Variants in EBF1 observed in about 807,000 individuals in gnomAD.
EBF1 encodes EBF transcription factor 1.
In EBF1, 10 loss-of-function variants were observed where a neutral mutation model predicts 68.4. The ratio of observed to expected loss-of-function variants is 0.15; its 90% CI spans 0.09 to 0.25. EBF1 has a LOEUF of 0.25. Among genes scored for constraint, EBF1 ranks in the 10% least tolerant of loss-of-function variants. The pLI, the probability that EBF1 is intolerant of heterozygous loss-of-function variation, is 1.00. For missense variants in EBF1, 509 were observed against 794.4 expected (o/e 0.64, Z 4.32); for synonymous variants, 298 against 299.8 (o/e 0.99, Z 0.06).
intron 8 of EBF1, among the ~76,000 whole-genome samples, chr5:158,819,824 T>C (rs1448432354): frequency 6.6e-6 from 1 of 152,114 alleles, no homozygotes; most frequent in African/African-American, 2.4e-5. Flanking sequence ...AAAGAAAATC[T>C]TGGTATTTAT....
intron 15 of EBF1, among the ~76,000 whole-genome samples, chr5:158,701,591 G>T (rs1346334585): frequency 6.6e-6 from 1 of 152,244 alleles, no homozygotes; most frequent in Non-Finnish European, 1.5e-5. Context: ...GTGCGTAAGT[G>T]AGGATGGAGG....
intron 4 of EBF1, among the ~76,000 whole-genome samples, chr5:159,094,943 T>C (rs572032958): frequency 1.3e-5 from 2 of 152,198 alleles, no homozygotes; most frequent in Non-Finnish European, 2.9e-5. Flanking sequence ...CCTTAATGTA[T>C]ACTGCTTGAC....
In EBF1 at chr5:158,764,028, T is replaced by C. The variant is rs114694513; in HGVS notation, c.1036+13385A>G. On this transcript the variant is annotated intron_variant, in intron 10 of 15. Coordinates refer to ENST00000313708, the MANE Select transcript of EBF1 (RefSeq NM_024007.5). ...TTAATCAGGCACTTACTGTATGCCA[T>C]GCACTGTACTAAGCTTTTTATATGC... Among the ~76,000 whole-genome samples, 1,500 of 152,302 alleles carry C rather than the reference T, an allele frequency of 9.8e-3. 10 individuals are homozygous for C. The highest frequency in any genetic ancestry group is 0.014 in the Middle Eastern group (4 of 294).
At chr5:158,715,357 T>C (rs1760425310) in intron 11 of EBF1, among the ~76,000 whole-genome samples, 1 of 152,222 alleles carries the variant, frequency 6.6e-6, no homozygotes, top group African/African-American at 2.4e-5. Flanking sequence ...CATTTTGCTG[T>C]CATCATAGCC....
intron 7 of EBF1, among the ~76,000 whole-genome samples, chr5:158,826,172 A>C (rs76344271): frequency 0.035 from 5,294 of 152,254 alleles, 321 homozygotes; most frequent in African/African-American, 0.12. Context: ...ACACAACAAC[A>C]CTTTCCTTCT....
At chr5:159,004,495 T>C (rs1392951530) in intron 6 of EBF1, among the ~76,000 whole-genome samples, 1 of 151,912 alleles carries the variant, frequency 6.6e-6, no homozygotes, top group Non-Finnish European at 1.5e-5. Context: ...AACACTATCA[T>C]TTTGCTATAA....
intron 6 of EBF1, among the ~76,000 whole-genome samples, chr5:158,975,398 T>C (rs1247567028): frequency 6.6e-6 from 1 of 152,212 alleles, no homozygotes; most frequent in African/African-American, 2.4e-5. Flanking sequence ...GTCTGTTGAA[T>C]AGCAGAAAAA....
At chr5:158,880,555 C>T (rs1171656225) in intron 6 of EBF1, among the ~76,000 whole-genome samples, 1 of 152,222 alleles carries the variant, frequency 6.6e-6, no homozygotes, top group Non-Finnish European at 1.5e-5. Flanking sequence ...AAAGTCCTCT[C>T]CCTTAGAGTC....
At chr5:158,861,253 C>G (rs914336872) in intron 6 of EBF1, among the ~76,000 whole-genome samples, 3 of 152,154 alleles carry the variant, frequency 2.0e-5, no homozygotes, top group Admixed American at 6.5e-5. Flanking sequence ...TGGCGTCTAT[C>G]AAATGCGGAT....
chr5:158,835,478 G>C (rs1476125933), intron 7 of EBF1, among the ~76,000 whole-genome samples: 2 of 152,176 alleles, frequency 1.3e-5, no homozygotes, highest in Non-Finnish European at 2.9e-5. Flanking sequence ...CCCTCTGCAT[G>C]ATGAACTTTG....
chr5:158,812,221 A>C (rs1224466041), intron 8 of EBF1, among the ~76,000 whole-genome samples: 1 of 152,226 alleles, frequency 6.6e-6, no homozygotes, highest in African/African-American at 2.4e-5. Flanking sequence ...ATGAATAAGC[A>C]AATGAACTAA....
At chr5:158,772,095 T>A (rs1421470306) in intron 10 of EBF1, among the ~76,000 whole-genome samples, 1 of 152,128 alleles carries the variant, frequency 6.6e-6, no homozygotes, top group Non-Finnish European at 1.5e-5. Flanking sequence ...GGGCTACGTC[T>A]TACATACAGT....
chr5:158,810,431 T>C (rs1477230589), intron 8 of EBF1, among the ~76,000 whole-genome samples: 1 of 152,216 alleles, frequency 6.6e-6, no homozygotes, highest in African/African-American at 2.4e-5. Context: ...CCCAAGTACA[T>C]TGCTCTCTGT....
chr5:158,849,017 T>A (rs905947145), intron 6 of EBF1, among the ~76,000 whole-genome samples: 4 of 152,244 alleles, frequency 2.6e-5, no homozygotes, highest in African/African-American at 9.6e-5. Context: ...TATGTAGTGA[T>A]GCTTCTCATT....
chr5:158,796,420 C>T lies in EBF1; in HGVS notation c.834G>A (p.Ala278=). ...SPSEGWTTGG[A]TVIIIGDNFF... ...AATTGTCCCCTATGATGATCACAGT[C>T]GCACCTCCCGTCGTCCATCCTTCAC... is the stretch of plus-strand genomic sequence containing the variant. The change falls in exon 9 of 16, where the codon GCG becomes GCA. Residue 278 remains alanine (A), a synonymous_variant. Transcript: ENST00000313708. 2 of 1,613,698 alleles carry T rather than the reference C, an allele frequency of 1.2e-6. No homozygotes were observed. The highest frequency in any genetic ancestry group is 1.7e-6 in the Non-Finnish European group (2 of 1,179,716).
intron 10 of EBF1, among the ~76,000 whole-genome samples, chr5:158,748,391 G>C (rs1353479738): frequency 2.0e-5 from 3 of 152,130 alleles, no homozygotes; most frequent in Non-Finnish European, 4.4e-5. Flanking sequence ...GTGGAATTCT[G>C]GTATGCCTTC....
intron 6 of EBF1, among the ~76,000 whole-genome samples, chr5:158,984,162 G>T (rs1473061799): frequency 6.6e-6 from 1 of 152,050 alleles, no homozygotes; most frequent in Non-Finnish European, 1.5e-5. Flanking sequence ...TCAACTTATT[G>T]CTTTAGCTGA....
At chr5:158,756,269 T>C (rs1412485499) in intron 10 of EBF1, among the ~76,000 whole-genome samples, 1 of 152,106 alleles carries the variant, frequency 6.6e-6, no homozygotes, top group Non-Finnish European at 1.5e-5. Context: ...TGAGAATTTT[T>C]TTTTTTTCTG....
At chr5:158,887,573 A>G (rs1800303595) in intron 6 of EBF1, among the ~76,000 whole-genome samples, 1 of 152,200 alleles carries the variant, frequency 6.6e-6, no homozygotes, top group Non-Finnish European at 1.5e-5. Context: ...AATACATACT[A>G]TTAAATAAAA....
Sources: gnomAD v4.1 joint callset for allele counts (sites outside exome capture counted in the v4.1 genomes callset) on GRCh38, gnomAD v4.1.1 for gene constraint, MANE v1.5 for transcripts, NCBI Gene and HGNC (gene_info 2026-07-23, HGNC 2026-07-21) for gene names.